The following PLEKHS1 variants were observed in gnomAD, a reference collection of about 807,000 sequenced individuals.
The protein encoded by PLEKHS1 is pleckstrin homology domain-containing family S member 1.
Under a neutral mutation model 51.0 loss-of-function variants are expected in PLEKHS1, and 55 were observed. The ratio of observed to expected loss-of-function variants is 1.08; its 90% CI spans 0.87 to 1.35. PLEKHS1 has a LOEUF of 1.35. PLEKHS1 is among the 40% of genes most tolerant of loss of function. The pLI, the probability that PLEKHS1 is intolerant of heterozygous loss-of-function variation, is 0.00. For synonymous variants in PLEKHS1, 153 were observed against 144.8 expected, an observed-to-expected ratio of 1.06 and a Z score of -0.41; for missense variants, 398 against 423.0, an observed-to-expected ratio of 0.94 and a Z score of 0.52.
At chr10:113,776,418 G>C (rs998994196) in intron 11 of PLEKHS1, among the ~76,000 whole-genome samples, 1 of 152,090 alleles carries the variant, frequency 6.6e-6, no homozygotes, top group African/African-American at 2.4e-5. Flanking sequence ...AATTTATTTT[G>C]ATGGAAGATT....
intron 10 of PLEKHS1, 27 bp downstream of exon 10, chr10:113,775,062 T>G: frequency 1.3e-6 from 2 of 1,599,378 alleles, no homozygotes; most frequent in Non-Finnish European, 1.7e-6. Context: ...TAAAACTTGA[T>G]GGGCCCTAAG....
chr10:113,767,954 C>G (rs1392104712), intron 5 of PLEKHS1, among the ~76,000 whole-genome samples: 1 of 152,140 alleles, frequency 6.6e-6, no homozygotes, highest in Non-Finnish European at 1.5e-5. Context: ...CCTCTCTATT[C>G]CAGTATGACC....
chr10:113,756,311 C>T (rs538352728), intron 2 of PLEKHS1, among the ~76,000 whole-genome samples: 1 of 152,050 alleles, frequency 6.6e-6, no homozygotes, highest in Non-Finnish European at 1.5e-5. Context: ...ATTAAAAATA[C>T]AAAAATTTGC....
intron 2 of PLEKHS1, among the ~76,000 whole-genome samples, chr10:113,755,675 G>A (rs1314929354): frequency 1.3e-5 from 2 of 152,292 alleles, no homozygotes; most frequent in Non-Finnish European, 2.9e-5. Context: ...AAAGTGCTGA[G>A]ATTACAGGCA....
At position 113,769,784 on chromosome 10, in the gene PLEKHS1, G is replaced by C. The variant is rs770813250; in HGVS notation, c.436G>C (p.Glu146Gln). 100 of 1,601,960 alleles carry C rather than the reference G, an allele frequency of 6.2e-5. No individual in the cohort carries two copies. The East Asian group carries it at 2.2e-3, about 35-fold the overall frequency. The change falls in exon 7 of 12, where the codon GAG (glutamate) becomes CAG (glutamine). Residue 146 changes from glutamate to glutamine, a missense_variant and splice_region_variant. Physicochemically the swap from Glu to Gln is conservative, Grantham distance 29. Transcript: ENST00000361048. ...GACTGATTCCTTTTTTTGTGAGCAG[G>C]AGGAACTCTCATTGGGTAATAAAAG... is the stretch of plus-strand genomic sequence containing the variant.
Position 113,755,409 on chromosome 10 carries a change from T to C in PLEKHS1, c.28+104T>C, listed in dbSNP as rs553601270. ...TACAGAACTTGGTGGTTTTTGTGTATGTTGTTTTGTTTTGTTTTGTTTGAG... is the reference window on the plus strand; with the variant it reads ...TACAGAACTTGGTGGTTTTTGTGTACGTTGTTTTGTTTTGTTTTGTTTGAG... On this transcript the variant is annotated intron_variant, in intron 2 of 11. Coordinates refer to ENST00000361048, the Ensembl canonical transcript of PLEKHS1. 216 of 1,491,286 alleles carry C rather than the reference T, an allele frequency of 1.4e-4. 1 individual carries two copies. The Admixed American group carries it at 1.8e-3, about 12-fold the overall frequency. 92.4% of individuals were successfully genotyped at this position (1,491,286 alleles called of 1,614,324 possible).
chr10:113,760,437 T>C (rs1048666902), intron 2 of PLEKHS1, among the ~76,000 whole-genome samples: 4 of 152,128 alleles, frequency 2.6e-5, no homozygotes, highest in African/African-American at 9.7e-5. Context: ...TAGTATTGCT[T>C]GAGCACATGA....
chr10:113,776,545 G>A (rs1844673396), intron 11 of PLEKHS1, among the ~76,000 whole-genome samples: 1 of 152,084 alleles, frequency 6.6e-6, no homozygotes, highest in Admixed American at 6.5e-5. Context: ...ACAATCTAAG[G>A]CTCAATACAC....
rs4601721 is a variant in PLEKHS1 at position 113,764,972 on chromosome 10, T to C, written c.29-1439T>C. ...TATCTTTTATATCTCTCCCTAACTT[T>C]TTGAAAATATAGTGATAATAACTGC... On this transcript the variant is annotated intron_variant, in intron 2 of 11. Coordinates refer to ENST00000361048, the Ensembl canonical transcript of PLEKHS1. 540 of 158,788 alleles carry C rather than the reference T, an allele frequency of 3.4e-3. 6 individuals carry two copies. The highest frequency in any genetic ancestry group is 0.013 in the African/African-American group (525 of 41,796). The allele number at this position is 158,788 out of a possible 1,614,324, so 9.8% of individuals were successfully genotyped here.
intron 1 of PLEKHS1, among the ~76,000 whole-genome samples, chr10:113,753,064 T>A (rs900247849): frequency 2.0e-5 from 3 of 152,234 alleles, no homozygotes; most frequent in Admixed American, 6.5e-5. Flanking sequence ...AAATATTTTT[T>A]AAAATGATTT....
chr10:113,777,149 C>T (rs758165764), intron 11 of PLEKHS1: 33 of 1,612,628 alleles, frequency 2.0e-5, no homozygotes, highest in Admixed American at 3.3e-5. Context: ...AGGCCCCCCA[C>T]GTTTGGGATG....
At chr10:113,756,216 T>C (rs973749799) in intron 2 of PLEKHS1, among the ~76,000 whole-genome samples, 2 of 152,050 alleles carry the variant, frequency 1.3e-5, no homozygotes, top group Admixed American at 6.6e-5. Context: ...TTTTAAAATG[T>C]TGTTGGTGGG....
chr10:113,755,947 T>TA (rs1464888544), intron 2 of PLEKHS1, among the ~76,000 whole-genome samples: 1 of 152,188 alleles, frequency 6.6e-6, no homozygotes, highest in African/African-American at 2.4e-5. Context: ...AACTCACACT[T>TA]AGAGAAGTGC....
intron 10 of PLEKHS1, 57 bp downstream of exon 10, chr10:113,775,092 C>T: frequency 6.9e-7 from 1 of 1,441,872 alleles, no homozygotes; most frequent in Non-Finnish European, 9.4e-7. Flanking sequence ...GCCTCCCTCC[C>T]ACTTTTTTTT....
chr10:113,781,741 TCCTTCCCC>T, exon 12 of PLEKHS1: 1 of 83,718 alleles, frequency 1.2e-5, no homozygotes, highest in East Asian at 4.1e-4. Flanking sequence ...CCCCAACACC[TCCTTCCCC>T]AACACCTCCT....
At chr10:113,766,295 T>C in intron 2 of PLEKHS1, 116 bp from the exon 3 acceptor site, 1 of 657,040 alleles carries the variant, frequency 1.5e-6, no homozygotes, top group Non-Finnish European at 2.6e-6. Context: ...GGTGTCCTTT[T>C]CCATAACTAC....
At chr10:113,765,955 G>C (rs557199872) in intron 2 of PLEKHS1, among the ~76,000 whole-genome samples, 9 of 152,178 alleles carry the variant, frequency 5.9e-5, no homozygotes, top group South Asian at 4.1e-4. Flanking sequence ...TGGGGAGGTG[G>C]CTGTGTTTAC....
chr10:113,774,364 G>T, intron 9 of PLEKHS1, 31 bp downstream of exon 9: 1 of 1,296,104 alleles, frequency 7.7e-7, no homozygotes, highest in Non-Finnish European at 1.1e-6. Flanking sequence ...AAAATTTGAT[G>T]TTTGCTCATC....
intron 5 of PLEKHS1, among the ~76,000 whole-genome samples, chr10:113,768,449 C>T (rs1284170384): frequency 6.6e-6 from 1 of 152,224 alleles, no homozygotes; most frequent in Non-Finnish European, 1.5e-5. Flanking sequence ...TCTTCATCAA[C>T]ACATGCACTC....
Sources: gnomAD v4.1 joint callset for allele counts (sites outside exome capture counted in the v4.1 genomes callset) on GRCh38, gnomAD v4.1.1 for gene constraint, MANE v1.5 for transcripts, NCBI Gene and HGNC (gene_info 2026-07-23, HGNC 2026-07-21) for gene names.